ATXN2: variants seen among roughly 807,000 people sequenced by gnomAD.
ATXN2 encodes ataxin-2.
In ATXN2, 37 loss-of-function variants were observed where a neutral mutation model predicts 138.6. The ratio of observed to expected loss-of-function variants is 0.27; its 90% confidence interval spans 0.21 to 0.35. The LOEUF (loss-of-function observed/expected upper bound fraction) is 0.35. ATXN2 is among the 10% of genes least tolerant of loss of function. The pLI is 1.00. For missense variants in ATXN2, 1,216 were observed against 1,480.3 expected, an observed-to-expected ratio of 0.82 and a Z score of 2.93; for synonymous variants, 549 against 543.7, an observed-to-expected ratio of 1.01 and a Z score of -0.13.
chr12:111,594,341 CA>C (rs950515350), intron 1 of ATXN2, among the ~76,000 whole-genome samples: 3 of 150,088 alleles, frequency 2.0e-5, no homozygotes, highest in Admixed American at 1.3e-4. Flanking sequence ...AATCACAGCA[CA>C]TTTTTTTTTT....
chr12:111,577,609 G>C (rs951956724), intron 1 of ATXN2, among the ~76,000 whole-genome samples: 1 of 151,866 alleles, frequency 6.6e-6, no homozygotes, highest in East Asian at 1.9e-4. Flanking sequence ...TGATCAACCA[G>C]TAAGTTAAGG....
At position 111,516,009 on chromosome 12, in the gene ATXN2, A is replaced by T; in HGVS notation, c.1375+145T>A. 2 of 751,422 alleles carry T rather than the reference A, an allele frequency of 2.7e-6. No individual in the cohort carries two copies. The highest frequency in any genetic ancestry group is 4.0e-6 in the Non-Finnish European group (2 of 498,724). The allele number at this position is 751,422 out of a possible 1,614,324, so 46.5% of individuals were successfully genotyped here. On this transcript the variant is annotated intron_variant, in intron 10 of 24. Transcript: ENST00000673436. The surrounding 1 kb of genome is among the most constrained non-coding windows in gnomAD (Gnocchi z 5.0). ...ATTTCTCTCTAATGAACAAAAGGTTAATAGAAATAGTTTTAATAAACTAAA... is the reference window on the plus strand; with the variant it reads ...ATTTCTCTCTAATGAACAAAAGGTTTATAGAAATAGTTTTAATAAACTAAA...
intron 5 of ATXN2, among the ~76,000 whole-genome samples, chr12:111,533,373 A>G (rs1880954312): frequency 6.6e-6 from 1 of 152,212 alleles, no homozygotes; most frequent in South Asian, 2.1e-4. Flanking sequence ...ATACTCTCGC[A>G]TACTTTAAAC....
At chr12:111,546,161 A>T (rs1489489407) in intron 5 of ATXN2, among the ~76,000 whole-genome samples, 2 of 152,220 alleles carry the variant, frequency 1.3e-5, no homozygotes, top group Non-Finnish European at 2.9e-5. Flanking sequence ...TAAGAATCGC[A>T]GGATATTATA....
chr12:111,497,092 G>A (rs1878465396), intron 14 of ATXN2, among the ~76,000 whole-genome samples: 1 of 152,074 alleles, frequency 6.6e-6, no homozygotes, highest in Non-Finnish European at 1.5e-5. Context: ...TCTATATGCT[G>A]ATACATTGGA....
rs958613538 is a variant in ATXN2 at position 111,552,562 on chromosome 12, T to C, written c.421-132A>G. 3.4e-6 allele frequency: 3 copies of C among 891,056 alleles called. No homozygotes were observed. Among genetic ancestry groups the C allele is most frequent in the Admixed American group, 3.4e-5 (1 of 29,296 alleles). The allele number at this position is 891,056 out of a possible 1,614,324, so 55.2% of individuals were successfully genotyped here. ...TAATCTCAAGAGAATCATACCCTTT[T>C]TCCCAGGCATATGATCTATTATCCA... is the stretch of plus-strand genomic sequence containing the variant. On this transcript the variant is annotated intron_variant, in intron 4 of 24. Transcript: ENST00000673436. The surrounding 1 kb of genome is among the most constrained non-coding windows in gnomAD (Gnocchi z 4.1).
intron 5 of ATXN2, among the ~76,000 whole-genome samples, chr12:111,528,937 T>C (rs896688845): frequency 1.3e-5 from 2 of 152,234 alleles, no homozygotes; most frequent in African/African-American, 4.8e-5. Context: ...GTTACAAGTT[T>C]GGATTTTTGT....
chr12:111,483,988 T>C (rs1218137376), intron 18 of ATXN2, among the ~76,000 whole-genome samples: 1 of 151,786 alleles, frequency 6.6e-6, no homozygotes, highest in Admixed American at 6.6e-5. Context: ...GTTTTTGCCA[T>C]GTTGCCCAGG....
At position 111,589,790 on chromosome 12, in the gene ATXN2, A is replaced by G. The variant is rs143250817; in HGVS notation, c.251+8994T>C. On this transcript the variant is annotated intron_variant, in intron 1 of 24. Coordinates refer to ENST00000673436, the MANE Select transcript of ATXN2 (RefSeq NM_001372574.1). ...AAAATTTTGCTGGGCATAGTGGCGC[A>G]TGCCTGTGGTCCCAGCTACTCAGGA... 2.0e-3 allele frequency among the ~76,000 whole-genome samples: 297 copies of G among 152,256 alleles called. 1 individual carries two copies. Among genetic ancestry groups the G allele is most frequent in the Middle Eastern group, 0.01 (3 of 294 alleles).
chr12:111,538,363 A>C (rs1881307089), intron 5 of ATXN2, among the ~76,000 whole-genome samples: 1 of 151,966 alleles, frequency 6.6e-6, no homozygotes, highest in South Asian at 2.1e-4. Flanking sequence ...CCATTAAATA[A>C]GATAAAAGGC....
intron 21 of ATXN2, among the ~76,000 whole-genome samples, chr12:111,464,227 A>C (rs1875800565): frequency 6.6e-6 from 1 of 150,792 alleles, no homozygotes; most frequent in Non-Finnish European, 1.5e-5. Context: ...TTTTAAGTTT[A>C]TACCAAGCTT....
intron 18 of ATXN2, among the ~76,000 whole-genome samples, chr12:111,477,765 C>CT (rs963706897): frequency 2.8e-4 from 42 of 151,006 alleles, no homozygotes; most frequent in East Asian, 3.9e-4. Context: ...ACTTTTTTTT[C>CT]TTTTTTTTGT....
intron 21 of ATXN2, among the ~76,000 whole-genome samples, chr12:111,461,774 T>G (rs1875601351): frequency 6.6e-6 from 1 of 151,508 alleles, no homozygotes; most frequent in South Asian, 2.1e-4. Context: ...ACAAAAAAAA[T>G]TAGCTGGGTG....
At chr12:111,586,417 G>A (rs1172828793) in intron 1 of ATXN2, among the ~76,000 whole-genome samples, 7 of 135,336 alleles carry the variant, frequency 5.2e-5, no homozygotes, top group South Asian at 2.4e-4. Flanking sequence ...TTTTTTAGAC[G>A]GAGTCTCCCT....
At chr12:111,459,794 G>A (rs969295350) in intron 21 of ATXN2, among the ~76,000 whole-genome samples, 2 of 151,968 alleles carry the variant, frequency 1.3e-5, no homozygotes, top group African/African-American at 4.8e-5. Flanking sequence ...GGAGTGCAGT[G>A]GAGCGATCTC....
At chr12:111,544,540 G>T (rs1881701497) in intron 5 of ATXN2, among the ~76,000 whole-genome samples, 1 of 152,132 alleles carries the variant, frequency 6.6e-6, no homozygotes, top group Non-Finnish European at 1.5e-5. Flanking sequence ...AATACAACAT[G>T]GTATAAGGGC....
chr12:111,475,344 C>CAAAAA (rs772048264), intron 18 of ATXN2, among the ~76,000 whole-genome samples: 1 of 45,980 alleles, frequency 2.2e-5, no homozygotes, highest in African/African-American at 5.8e-5. Flanking sequence ...GATTCCATCT[C>CAAAAA]AAAAAAAAAA....
At chr12:111,488,875 A>G (rs1012103096) in intron 14 of ATXN2, 95 bp from the exon 15 acceptor site, 28 of 1,061,252 alleles carry the variant, frequency 2.6e-5, no homozygotes, top group Non-Finnish European at 1.3e-6. Flanking sequence ...AACTATACGC[A>G]TGAAATGTTC....
rs902451328 is a variant in ATXN2 at position 111,488,408 on chromosome 12, C to T, written c.2240+68G>A. 1.6e-5 allele frequency: 24 copies of T among 1,490,612 alleles called. No homozygotes were observed. The African/African-American group carries it at 2.7e-4, about 17-fold the overall frequency. 92.3% of individuals were successfully genotyped at this position (1,490,612 alleles called of 1,614,324 possible). Reference sequence around the variant, plus strand: ...GATGGATTCTTCACAGTTGGAAGGACCTAAATGCCTTTAAAAAAAAAAAAG... The same window carrying T: ...GATGGATTCTTCACAGTTGGAAGGATCTAAATGCCTTTAAAAAAAAAAAAG... On this transcript the variant is annotated intron_variant, in intron 15 of 24. Transcript: ENST00000673436.
Sources: allele counts gnomAD v4.1 joint callset (sites outside exome capture counted in the v4.1 genomes callset), GRCh38; gene constraint gnomAD v4.1.1; non-coding constraint Gnocchi (gnomAD v3.1); transcripts MANE v1.5; gene names NCBI Gene and HGNC (gene_info 2026-07-23, HGNC 2026-07-21).